The following PRKN variants were observed in gnomAD, a reference collection of about 807,000 sequenced individuals.
The protein encoded by PRKN is parkin RBR E3 ubiquitin protein ligase, also known as E3 ubiquitin-protein ligase parkin.
In PRKN, 56 loss-of-function variants were observed where a neutral mutation model predicts 59.5. The observed-to-expected ratio is 0.94, with a 90% confidence interval of 0.76 to 1.18. The LOEUF (loss-of-function observed/expected upper bound fraction) is 1.18, where lower values mean the gene tolerates loss of function less well. Among genes scored for constraint, PRKN ranks in the 50% most tolerant of loss-of-function variants. The pLI, the probability that PRKN is intolerant of heterozygous loss-of-function variation, is 0.00. For missense variants in PRKN, 657 were observed against 596.4 expected, an observed-to-expected ratio of 1.10 and a Z score of -1.06; for synonymous variants, 250 against 222.1, an observed-to-expected ratio of 1.13 and a Z score of -1.12.
intron 10 of PRKN, among the ~76,000 whole-genome samples, chr6:161,365,062 G>A (rs1785147034): frequency 6.6e-6 from 1 of 152,102 alleles, no homozygotes; most frequent in South Asian, 2.1e-4. Context: ...ATTAATATAT[G>A]TTTACATTCT....
At chr6:161,673,941 G>A (rs1282486634) in intron 7 of PRKN, among the ~76,000 whole-genome samples, 1 of 152,192 alleles carries the variant, frequency 6.6e-6, no homozygotes, top group Non-Finnish European at 1.5e-5. Flanking sequence ...GACACCATTA[G>A]GAACTATGGG....
At position 161,526,995 on chromosome 6, in the gene PRKN, G is replaced by C. The variant is rs1161243136; in HGVS notation, c.1083+21859C>G. Among the ~76,000 whole-genome samples, 1 of 152,120 alleles carries C rather than the reference G, an allele frequency of 6.6e-6. No individual in the cohort carries two copies. Among genetic ancestry groups the C allele is most frequent in the East Asian group, 1.9e-4 (1 of 5,198 alleles). On this transcript the variant is annotated intron_variant, in intron 9 of 11. Transcript: ENST00000366898. This position sits in a 1 kb window ranked among gnomAD's most constrained non-coding sequence, Gnocchi z 4.1. ...ATGTATGATGAACAAAGGCTATCTT[G>C]TTATACCGATAGAAAGCCTCAGGAG...
chr6:161,663,490 G>A (rs936674618), intron 7 of PRKN, among the ~76,000 whole-genome samples: 23 of 152,034 alleles, frequency 1.5e-4, no homozygotes, highest in African/African-American at 5.3e-4. Flanking sequence ...GGGTCTAATC[G>A]AACACATGGA....
At chr6:162,204,017 A>C (rs539031824) in intron 3 of PRKN, among the ~76,000 whole-genome samples, 5 of 152,298 alleles carry the variant, frequency 3.3e-5, no homozygotes, top group Admixed American at 2.6e-4. Context: ...AGCTGTGTAC[A>C]CATATACTAC....
In PRKN at chr6:161,362,184, G is replaced by A. The variant is rs1346898342; in HGVS notation, c.1168-1979C>T. ...CAACATGGCATACTGCATGTGAAGG[G>A]CAATTTCTCCCAGGTCCACACACCT... On this transcript the variant is annotated intron_variant, in intron 10 of 11. Transcript: ENST00000366898. The surrounding 1 kb of genome is among the most constrained non-coding windows in gnomAD (Gnocchi z 5.2). Among the ~76,000 whole-genome samples, 1 of 152,158 alleles carries A rather than the reference G, an allele frequency of 6.6e-6. No individual in the cohort carries two copies. The highest frequency in any genetic ancestry group is 1.5e-5 in the Non-Finnish European group (1 of 68,028).
intron 6 of PRKN, among the ~76,000 whole-genome samples, chr6:161,923,779 T>C (rs994257794): frequency 6.6e-6 from 1 of 152,130 alleles, no homozygotes; most frequent in Non-Finnish European, 1.5e-5. Flanking sequence ...GTAACTGCAG[T>C]ACAATCACGA....
chr6:161,893,919 C>T (rs1418966462), intron 6 of PRKN, among the ~76,000 whole-genome samples: 3 of 152,206 alleles, frequency 2.0e-5, no homozygotes, highest in Admixed American at 6.5e-5. Context: ...CACTGCCAAA[C>T]ATTTTGGCAC....
At chr6:162,424,969 G>A (rs1252869615) in intron 2 of PRKN, among the ~76,000 whole-genome samples, 1 of 151,938 alleles carries the variant, frequency 6.6e-6, no homozygotes. Flanking sequence ...GGAGATGGGT[G>A]TCTTAGCCTC....
chr6:161,943,621 A>T (rs1053357191), intron 6 of PRKN, among the ~76,000 whole-genome samples: 1 of 152,270 alleles, frequency 6.6e-6, no homozygotes, highest in African/African-American at 2.4e-5. Flanking sequence ...AAGCAGCCTG[A>T]GGGATCAGCC....
At chr6:162,252,585 G>A (rs934294968) in intron 3 of PRKN, among the ~76,000 whole-genome samples, 4 of 152,196 alleles carry the variant, frequency 2.6e-5, no homozygotes, top group Admixed American at 2.6e-4. Flanking sequence ...AATGGGATAC[G>A]TGCTCTTACA....
At chr6:162,622,095 G>A (rs1163101992) in intron 1 of PRKN, among the ~76,000 whole-genome samples, 1 of 151,774 alleles carries the variant, frequency 6.6e-6, no homozygotes, top group Admixed American at 6.6e-5. Flanking sequence ...TTACAGGCTT[G>A]AGCCACCGCA....
intron 2 of PRKN, among the ~76,000 whole-genome samples, chr6:162,425,595 GA>G (rs1236939092): frequency 6.6e-6 from 1 of 152,132 alleles, no homozygotes; most frequent in African/African-American, 2.4e-5. Context: ...TCCATTCTTT[GA>G]ATGCCACTGG....
intron 3 of PRKN, among the ~76,000 whole-genome samples, chr6:162,259,986 C>G (rs1779817092): frequency 6.6e-6 from 1 of 152,146 alleles, no homozygotes; most frequent in African/African-American, 2.4e-5. Flanking sequence ...TAGTTTAACA[C>G]AGAGTTAAAT....
chr6:162,170,811 G>A (rs749571109), intron 4 of PRKN, among the ~76,000 whole-genome samples: 17 of 152,162 alleles, frequency 1.1e-4, no homozygotes, highest in South Asian at 2.1e-4. Context: ...CGAATGGGCT[G>A]CACAGGGTGG....
intron 2 of PRKN, among the ~76,000 whole-genome samples, chr6:162,274,082 CTGTT>C (rs2128104159): frequency 6.6e-6 from 1 of 152,154 alleles, no homozygotes; most frequent in African/African-American, 2.4e-5. Flanking sequence ...TTTTCCAAAT[CTGTT>C]TGAATCGAGA....
Position 161,355,813 on chromosome 6 carries a change from C to T in PRKN, c.1285+4275G>A, listed in dbSNP as rs1286204343. Among the ~76,000 whole-genome samples the T allele has an allele frequency of 6.6e-6, 1 of 152,106 alleles. No individual in the cohort carries two copies. The highest frequency in any genetic ancestry group is 1.9e-4 in the East Asian group (1 of 5,190). On this transcript the variant is annotated intron_variant, in intron 11 of 11. Transcript: ENST00000366898. This position sits in a 1 kb window ranked among gnomAD's most constrained non-coding sequence, Gnocchi z 6.8. ...TCTCACCGGCTTATGTTCTAAAGAG[C>T]GACAGATGGGGAACATGTAAATGAA... is the stretch of plus-strand genomic sequence containing the variant.
intron 4 of PRKN, among the ~76,000 whole-genome samples, chr6:162,188,995 A>G (rs543786688): frequency 9.2e-5 from 14 of 151,926 alleles, no homozygotes; most frequent in South Asian, 8.4e-4. Flanking sequence ...GACGACTGCA[A>G]AGTTGATTCC....
chr6:162,172,829 C>T (rs769433795), intron 4 of PRKN, among the ~76,000 whole-genome samples: 5 of 152,232 alleles, frequency 3.3e-5, no homozygotes, highest in African/African-American at 4.8e-5. Flanking sequence ...ATGGGTGCCT[C>T]GGTGGTATCT....
At chr6:162,536,732 T>C (rs1176089640) in intron 1 of PRKN, among the ~76,000 whole-genome samples, 2 of 152,164 alleles carry the variant, frequency 1.3e-5, no homozygotes, top group Non-Finnish European at 2.9e-5. Flanking sequence ...GACATTCATA[T>C]GTGGAGTGTC....
Sources: gnomAD v4.1 joint callset for allele counts (sites outside exome capture counted in the v4.1 genomes callset) on GRCh38, gnomAD v4.1.1 for gene constraint, Gnocchi (gnomAD v3.1) non-coding constraint, MANE v1.5 for transcripts, NCBI Gene and HGNC (gene_info 2026-07-23, HGNC 2026-07-21) for gene names.